The following DIP2C variants were observed in gnomAD, a reference collection of about 807,000 sequenced individuals.
DIP2C encodes the protein DIP2 acetate--CoA ligase C (putative).
DIP2C carries 33 observed loss-of-function variants against 192.4 expected under a neutral mutation model. The observed-to-expected ratio is 0.17, with a 90% CI of 0.13 to 0.23. The LOEUF (loss-of-function observed/expected upper bound fraction) is 0.23. DIP2C is among the 10% of genes least tolerant of loss of function. The probability of loss-of-function intolerance (pLI) is 1.00; values close to 1 mark genes in which losing one functional copy is unlikely to be tolerated. For missense variants in DIP2C, 1,537 were observed against 2,110.1 expected, an observed-to-expected ratio of 0.73 and a Z score of 5.32; for synonymous variants, 979 against 864.1, an observed-to-expected ratio of 1.13 and a Z score of -2.33.
chr10:577,369 GA>G, intron 1 of DIP2C, among the ~76,000 whole-genome samples: 1 of 152,356 alleles, frequency 6.6e-6, no homozygotes, highest in South Asian at 2.1e-4. Flanking sequence ...ATAAGCATGA[GA>G]AATTAGTCAC....
At chr10:384,181 C>T in intron 15 of DIP2C, 35 bp from the exon 16 acceptor site, 1 of 1,604,898 alleles carries the variant, frequency 6.2e-7, no homozygotes, top group Non-Finnish European at 8.5e-7. Context: ...TAACATGTGC[C>T]ACCGTCAGAT....
intron 35 of DIP2C, 31 bp from the exon 36 acceptor site, chr10:281,354 C>A (rs777765347): frequency 6.3e-7 from 1 of 1,576,188 alleles, no homozygotes. Flanking sequence ...GCGTAAGCTT[C>A]CCCATAATGC....
At chr10:582,191 G>A (rs1850710928) in intron 1 of DIP2C, among the ~76,000 whole-genome samples, 1 of 152,172 alleles carries the variant, frequency 6.6e-6, no homozygotes, top group African/African-American at 2.4e-5. Flanking sequence ...ACCGTGGACT[G>A]GCACCAGTCT....
intron 3 of DIP2C, among the ~76,000 whole-genome samples, chr10:465,428 A>T: frequency 6.6e-6 from 1 of 151,856 alleles, no homozygotes; most frequent in Non-Finnish European, 1.5e-5. Context: ...CACAGCCAAT[A>T]TCATACTGAA....
intron 1 of DIP2C, among the ~76,000 whole-genome samples, chr10:574,521 C>CAT (rs1264798129): frequency 1.3e-5 from 2 of 151,230 alleles, no homozygotes; most frequent in African/African-American, 4.9e-5. Flanking sequence ...AAACAGGGTA[C>CAT]ATGTATTAGT....
chr10:407,925 G>A (rs953163153), intron 9 of DIP2C, among the ~76,000 whole-genome samples: 8 of 152,138 alleles, frequency 5.3e-5, no homozygotes, highest in East Asian at 1.9e-4. Flanking sequence ...CATGTTTAAT[G>A]TAAATGTCCA....
intron 1 of DIP2C, among the ~76,000 whole-genome samples, chr10:625,722 G>A (rs527339557): frequency 4.4e-4 from 67 of 152,318 alleles, no homozygotes; most frequent in African/African-American, 1.5e-3. Context: ...TGCAAAGGCC[G>A]CCCTGGAAAA....
intron 25 of DIP2C, 104 bp downstream of exon 25, chr10:349,227 A>G: frequency 6.7e-7 from 1 of 1,483,194 alleles, no homozygotes; most frequent in Non-Finnish European, 9.0e-7. Flanking sequence ...ACTCCCAGCC[A>G]TGACGCGACC....
chr10:370,028 G>A, intron 17 of DIP2C: 1 of 985,456 alleles, frequency 1.0e-6, no homozygotes, highest in Non-Finnish European at 1.2e-6. Context: ...CAAATGTCTG[G>A]AGGGTGGTGC....
At chr10:375,676 G>A (rs893063645) in intron 17 of DIP2C, among the ~76,000 whole-genome samples, 29 of 152,122 alleles carry the variant, frequency 1.9e-4, no homozygotes, top group East Asian at 5.8e-4. Flanking sequence ...GAACACATCT[G>A]CAGTTTGCTA....
chr10:539,547 G>A (rs1847867771), intron 1 of DIP2C, among the ~76,000 whole-genome samples: 1 of 152,090 alleles, frequency 6.6e-6, no homozygotes, highest in African/African-American at 2.4e-5. Flanking sequence ...CCACCCCCAT[G>A]GGCACTGTGG....
intron 8 of DIP2C, among the ~76,000 whole-genome samples, chr10:411,152 T>C (rs1392266263): frequency 2.0e-5 from 3 of 152,328 alleles, no homozygotes; most frequent in East Asian, 1.9e-4. Context: ...AGCTCAAGCA[T>C]GTAGATTTCT....
rs1265487558 is a variant in DIP2C, at chr10:461,007, T to G, written c.268+11432A>C. 2.0e-5 allele frequency among the ~76,000 whole-genome samples: 3 copies of G among 152,214 alleles called. No individual in the cohort carries two copies. In the East Asian group the frequency reaches 5.8e-4, roughly 29 times the overall value. On this transcript the variant is annotated intron_variant, in intron 3 of 36. Coordinates refer to ENST00000280886, the MANE Select transcript of DIP2C (RefSeq NM_014974.3). ...TTACAGACAAGCAGATGCTGAGAGA[T>G]TCTGTCACCACCAGGTCTGCCTTAC...
intron 14 of DIP2C, among the ~76,000 whole-genome samples, chr10:385,488 C>T (rs150718031): frequency 1.2e-3 from 183 of 152,326 alleles, no homozygotes; most frequent in African/African-American, 4.2e-3. Context: ...TAATTCTTCC[C>T]GGTGTGTTAT....
At chr10:534,827 C>A (rs1312204575) in intron 1 of DIP2C, among the ~76,000 whole-genome samples, 1 of 151,888 alleles carries the variant, frequency 6.6e-6, no homozygotes, top group Non-Finnish European at 1.5e-5. Flanking sequence ...CAGGCGCCTG[C>A]CACCGCGCCC....
At chr10:655,260 C>T (rs1431339679) in intron 1 of DIP2C, among the ~76,000 whole-genome samples, 2 of 152,216 alleles carry the variant, frequency 1.3e-5, no homozygotes, top group Non-Finnish European at 2.9e-5. Flanking sequence ...CTTTCCTTTT[C>T]GCTTAATAAA....
chr10:499,080 C>A (rs542409468), intron 1 of DIP2C, among the ~76,000 whole-genome samples: 1 of 152,314 alleles, frequency 6.6e-6, no homozygotes, highest in Non-Finnish European at 1.5e-5. Context: ...TTTTGTTATC[C>A]TTTTTCAGAC....
intron 3 of DIP2C, among the ~76,000 whole-genome samples, chr10:456,134 T>C (rs372296702): frequency 6.7e-3 from 521 of 78,082 alleles, no homozygotes; most frequent in African/African-American, 0.027. Flanking sequence ...CCGTGAGGAG[T>C]AAATGAGATG....
At chr10:286,368 C>A (rs200869916) in intron 33 of DIP2C, 21 bp from the exon 34 acceptor site, 216 of 1,610,384 alleles carry the variant, frequency 1.3e-4, no homozygotes, top group Non-Finnish European at 2.5e-5. Flanking sequence ...GAGGAAAAGT[C>A]TCTTGTCAAT....
Sources: gnomAD v4.1 joint callset for allele counts (sites outside exome capture counted in the v4.1 genomes callset) on GRCh38, gnomAD v4.1.1 for gene constraint, MANE v1.5 for transcripts, NCBI Gene and HGNC (gene_info 2026-07-23, HGNC 2026-07-21) for gene names.